STRBP: variants seen among roughly 807,000 people sequenced by gnomAD.
STRBP encodes spermatid perinuclear RNA-binding protein.
In STRBP, 13 loss-of-function variants were observed where a neutral mutation model predicts 80.1. The ratio of observed to expected loss-of-function variants is 0.16; its 90% CI spans 0.11 to 0.26. STRBP has a LOEUF of 0.26. STRBP is among the 10% of genes least tolerant of loss of function. The probability of loss-of-function intolerance (pLI) is 1.00; values close to 1 mark genes in which losing one functional copy is unlikely to be tolerated. For missense variants in STRBP, 485 were observed against 815.2 expected (o/e 0.59, Z 4.93); for synonymous variants, 284 against 291.2 (o/e 0.98, Z 0.25).
chr9:123,207,588 G>A (rs1450949164), intron 2 of STRBP, among the ~76,000 whole-genome samples: 3 of 152,126 alleles, frequency 2.0e-5, no homozygotes, highest in Non-Finnish European at 4.4e-5. Flanking sequence ...GGAAAGCGGG[G>A]TCGGGGGCTA....
Position 123,168,931 on chromosome 9 carries a change from A to C in STRBP, c.535+971T>G, listed in dbSNP as rs527270379. 9.8e-5 allele frequency among the ~76,000 whole-genome samples: 15 copies of C among 152,330 alleles called. No individual in the cohort carries two copies. In the South Asian group the frequency reaches 3.1e-3, roughly 32 times the overall value. On this transcript the variant is annotated intron_variant, in intron 6 of 18. Coordinates refer to ENST00000348403, the MANE Select transcript of STRBP (RefSeq NM_018387.5). ...TATGAGGATGACGCTGCCAGACAGC[A>C]ATTCTTCTTAACTTCAGAAGAAAGT...
At chr9:123,139,500 T>A in intron 14 of STRBP, 29 bp downstream of exon 14, 1 of 1,514,934 alleles carries the variant, frequency 6.6e-7, no homozygotes, top group Non-Finnish European at 8.8e-7. Context: ...ATATATGTTA[T>A]TTTTTTTCTG....
chr9:123,180,846 T>C (rs2038426814), intron 3 of STRBP: 1 of 819,898 alleles, frequency 1.2e-6, no homozygotes, highest in Admixed American at 6.2e-5. Context: ...ATTTAAAAGC[T>C]GGTTATACTG....
At chr9:123,159,590 C>T (rs1156584636) in intron 8 of STRBP, among the ~76,000 whole-genome samples, 1 of 152,148 alleles carries the variant, frequency 6.6e-6, no homozygotes, top group Non-Finnish European at 1.5e-5. Context: ...TTAGGAAGCA[C>T]ACAAACCACA....
rs765008487 is a variant in STRBP, at chr9:123,160,519, G to A, written c.628-57C>T. ...TATTGAGATCTATTCTTCATTTTGG[G>A]CAAGTTCTTTCAAGTGAATACTAAG... On this transcript the variant is annotated intron_variant, in intron 7 of 18. Transcript: ENST00000348403. The A allele has an allele frequency of 4.7e-5, 65 of 1,393,926 alleles. 2 individuals are homozygous for A. In the South Asian group the frequency reaches 9.9e-4, roughly 21 times the overall value. The allele number at this position is 1,393,926 out of a possible 1,614,324, so 86.3% of individuals were successfully genotyped here.
At chr9:123,265,106 T>C (rs1426833829) in intron 1 of STRBP, among the ~76,000 whole-genome samples, 1 of 152,118 alleles carries the variant, frequency 6.6e-6, no homozygotes, top group Non-Finnish European at 1.5e-5. Flanking sequence ...CCTCCAAAAA[T>C]AAAATCTTAC....
intron 2 of STRBP, among the ~76,000 whole-genome samples, chr9:123,232,574 C>T (rs753084797): frequency 7.9e-5 from 12 of 152,116 alleles, no homozygotes; most frequent in Admixed American, 2.6e-4. Flanking sequence ...CAGGGTGGGG[C>T]CAGATTCTAC....
At chr9:123,218,220 T>C (rs1430763719) in intron 2 of STRBP, among the ~76,000 whole-genome samples, 1 of 152,166 alleles carries the variant, frequency 6.6e-6, no homozygotes, top group African/African-American at 2.4e-5. Context: ...TTCACTGTTC[T>C]TCACCATTAT....
intron 16 of STRBP, 105 bp downstream of exon 16, chr9:123,135,936 G>A: frequency 6.8e-7 from 1 of 1,464,850 alleles, no homozygotes. Context: ...TCCAAGAAAA[G>A]GAAACAACTT....
chr9:123,156,289 T>C (rs2037281596), intron 11 of STRBP, among the ~76,000 whole-genome samples: 1 of 152,112 alleles, frequency 6.6e-6, no homozygotes, highest in African/African-American at 2.4e-5. Context: ...TAAATCCCTT[T>C]CAATAATTTC....
At chr9:123,211,415 G>A (rs2039704592) in intron 2 of STRBP, among the ~76,000 whole-genome samples, 1 of 152,152 alleles carries the variant, frequency 6.6e-6, no homozygotes, top group African/African-American at 2.4e-5. Context: ...TTTGAATTCT[G>A]TCGAGGAAGC....
At chr9:123,252,295 G>C (rs963441578) in intron 1 of STRBP, among the ~76,000 whole-genome samples, 4 of 152,172 alleles carry the variant, frequency 2.6e-5, no homozygotes, top group African/African-American at 9.7e-5. Context: ...TTCACTATGT[G>C]CCAGATACTG....
At chr9:123,128,991 C>T (rs745312748) in intron 17 of STRBP, among the ~76,000 whole-genome samples, 1 of 152,132 alleles carries the variant, frequency 6.6e-6, no homozygotes, top group Non-Finnish European at 1.5e-5. Context: ...AGAAATATTA[C>T]CTATATTAAC....
chr9:123,148,276 G>T (rs61469025), intron 11 of STRBP, among the ~76,000 whole-genome samples: 10 of 152,242 alleles, frequency 6.6e-5, no homozygotes, highest in African/African-American at 2.2e-4. Flanking sequence ...GACAGAGACT[G>T]TTTGTCCCTT....
chr9:123,157,870 C>T (rs2037356930), intron 11 of STRBP, 142 bp downstream of exon 11: 1 of 662,352 alleles, frequency 1.5e-6, no homozygotes, highest in Admixed American at 2.5e-5. Context: ...CACAGCCAAC[C>T]TATATCAGTC....
chr9:123,256,323 A>AT (rs1232451390), intron 1 of STRBP, among the ~76,000 whole-genome samples: 1 of 151,880 alleles, frequency 6.6e-6, no homozygotes. Context: ...ACCTATACCT[A>AT]TTTCCACTAC....
intron 1 of STRBP, among the ~76,000 whole-genome samples, chr9:123,258,717 T>C (rs1304086629): frequency 6.7e-6 from 1 of 148,288 alleles, no homozygotes; most frequent in Non-Finnish European, 1.5e-5. Context: ...GGCAGAATGG[T>C]GTGAACCCCG....
At position 123,116,048 on chromosome 9, in the gene STRBP, T is replaced by C. The variant is rs762059928; in HGVS notation, c.220A>G (p.Met74Val). 32 of 456,140 alleles carry C rather than the reference T, an allele frequency of 7.0e-5. No individual in the cohort carries two copies. In the Middle Eastern group the frequency reaches 9.7e-4, roughly 14 times the overall value. 28.3% of individuals were successfully genotyped at this position (456,140 alleles called of 1,614,324 possible). A position where few individuals can be genotyped will look rare whatever the true frequency, so the allele number is the denominator to read the frequency against. Residue 74 changes from methionine to valine, a missense_variant and NMD_transcript_variant, in exon 3 of 4, where the codon ATG becomes GTG. Transcript: ENST00000471564. The stretch of plus-strand genomic sequence containing the variant: ...TGAGTTCCCCAGGTGCCAATTTCCA[T>C]AGGTTTTTTACCTCCCAGATGATGG...
At chr9:123,201,960 ATC>A (rs2039341728) in intron 2 of STRBP, among the ~76,000 whole-genome samples, 1 of 152,180 alleles carries the variant, frequency 6.6e-6, no homozygotes, top group African/African-American at 2.4e-5. Context: ...GAATTGTAAT[ATC>A]TTGTTGAATT....
Sources: gnomAD v4.1 joint callset for allele counts (sites outside exome capture counted in the v4.1 genomes callset) on GRCh38, gnomAD v4.1.1 for gene constraint, MANE v1.5 for transcripts, NCBI Gene and HGNC (gene_info 2026-07-23, HGNC 2026-07-21) for gene names.